UBE2G1: variants seen among roughly 807,000 people sequenced by gnomAD.
UBE2G1 encodes the protein ubiquitin conjugating enzyme E2 G1.
In UBE2G1, 5 loss-of-function variants were observed where a neutral mutation model predicts 22.7. The observed-to-expected ratio is 0.22, with a 90% CI of 0.12 to 0.46. The LOEUF (loss-of-function observed/expected upper bound fraction) is 0.46, where lower values mean the gene tolerates loss of function less well. Among genes scored for constraint, UBE2G1 ranks in the 20% least tolerant of loss-of-function variants. UBE2G1 has a pLI of 0.99. For missense variants in UBE2G1, 88 were observed against 203.9 expected (o/e 0.43, Z 3.46); for synonymous variants, 74 against 67.5 (o/e 1.10, Z -0.47).
At chr17:4,365,976 C>T (rs1383231730) in intron 1 of UBE2G1, among the ~76,000 whole-genome samples, 4 of 152,030 alleles carry the variant, frequency 2.6e-5, no homozygotes, top group African/African-American at 9.7e-5. Context: ...CGCACACAGC[C>T]CCTCCCCCGC....
At chr17:4,361,261 T>A (rs1969963413) in intron 1 of UBE2G1, among the ~76,000 whole-genome samples, 1 of 145,000 alleles carries the variant, frequency 6.9e-6, no homozygotes, top group African/African-American at 2.6e-5. Flanking sequence ...GGGTGGTGGC[T>A]CACGCCAGTA....
chr17:4,281,254 GAATATTGAGCAATA>G (rs1274075574), intron 5 of UBE2G1, among the ~76,000 whole-genome samples: 1 of 152,118 alleles, frequency 6.6e-6, no homozygotes, highest in Non-Finnish European at 1.5e-5. Context: ...TCAATTTGAA[GAATATTGAGCAATA>G]AAAGTAACAG....
chr17:4,277,694 G>C (rs182065617), intron 5 of UBE2G1, among the ~76,000 whole-genome samples: 2 of 152,288 alleles, frequency 1.3e-5, no homozygotes, highest in Admixed American at 6.5e-5. Flanking sequence ...ATCTTAAATT[G>C]ATTTCACTTT....
At chr17:4,273,916 G>C (rs1385928329) in intron 5 of UBE2G1, among the ~76,000 whole-genome samples, 1 of 152,088 alleles carries the variant, frequency 6.6e-6, no homozygotes, top group African/African-American at 2.4e-5. Flanking sequence ...TACCTAAAGA[G>C]TTATGACAAA....
intron 1 of UBE2G1, among the ~76,000 whole-genome samples, chr17:4,320,847 C>T (rs1969428889): frequency 6.6e-6 from 1 of 151,992 alleles, no homozygotes; most frequent in Admixed American, 6.6e-5. Context: ...ATAACTCGTT[C>T]CCACCACCAT....
chr17:4,302,032 A>C, intron 2 of UBE2G1: 2 of 493,574 alleles, frequency 4.1e-6, no homozygotes, highest in Non-Finnish European at 8.1e-6. Context: ...CATAAAGAAC[A>C]ACAACAACAA....
At chr17:4,313,617 G>C (rs952510246) in intron 1 of UBE2G1, among the ~76,000 whole-genome samples, 2 of 151,862 alleles carry the variant, frequency 1.3e-5, no homozygotes, top group Non-Finnish European at 2.9e-5. Flanking sequence ...AAATCAGGAC[G>C]ATAGTATTTC....
intron 1 of UBE2G1, among the ~76,000 whole-genome samples, chr17:4,337,290 G>A (rs534181907): frequency 1.8e-4 from 26 of 145,768 alleles, no homozygotes; most frequent in Non-Finnish European, 3.3e-4. Flanking sequence ...GCAATGAGTC[G>A]TGTTCATGCC....
In UBE2G1 at chr17:4,364,259, G is replaced by C. The variant is rs1289790427; in HGVS notation, c.46+2012C>G. ...AGCCTGGGCAATAGAGTGAGACTCT[G>C]CCTCAAAAAAAAAAAAAAAAATGCA... On this transcript the variant is annotated intron_variant, in intron 1 of 5. Transcript: ENST00000396981. The C allele has an allele frequency of 4.5e-5, 5 of 110,740 alleles. No homozygotes were observed. In the East Asian group the frequency reaches 9.3e-4, roughly 21 times the overall value. 6.9% of individuals were successfully genotyped at this position (110,740 alleles called of 1,614,324 possible).
intron 2 of UBE2G1, chr17:4,301,252 T>G: frequency 2.7e-6 from 1 of 376,386 alleles, no homozygotes; most frequent in South Asian, 2.2e-5. Context: ...CACATAGTCA[T>G]GTGATCACTG....
chr17:4,349,452 T>C (rs1969818133), intron 1 of UBE2G1, among the ~76,000 whole-genome samples: 1 of 152,106 alleles, frequency 6.6e-6, no homozygotes, highest in Non-Finnish European at 1.5e-5. Flanking sequence ...TTAAAACAAA[T>C]GGAACTGATG....
intron 2 of UBE2G1, among the ~76,000 whole-genome samples, chr17:4,306,062 T>C (rs1430729587): frequency 6.6e-6 from 1 of 152,224 alleles, no homozygotes; most frequent in African/African-American, 2.4e-5. Context: ...TAGATTATCA[T>C]AGAGCATAAC....
intron 2 of UBE2G1, among the ~76,000 whole-genome samples, chr17:4,305,822 G>A (rs182564234): frequency 6.6e-6 from 1 of 152,254 alleles, no homozygotes; most frequent in African/African-American, 2.4e-5. Flanking sequence ...GATTACAGGC[G>A]TGAGCCAACG....
intron 1 of UBE2G1, among the ~76,000 whole-genome samples, chr17:4,334,238 T>C (rs1969617900): frequency 6.6e-6 from 1 of 151,860 alleles, no homozygotes; most frequent in African/African-American, 2.4e-5. Context: ...ATTTCCATTA[T>C]ATTTTTCTAG....
intron 1 of UBE2G1, among the ~76,000 whole-genome samples, chr17:4,340,794 G>C (rs73330838): frequency 6.7e-6 from 1 of 149,464 alleles, no homozygotes; most frequent in South Asian, 2.1e-4. Context: ...CTTAAATAGA[G>C]ATGGGGTCTC....
chr17:4,279,948 A>G (rs1968866917), intron 5 of UBE2G1, among the ~76,000 whole-genome samples: 1 of 151,946 alleles, frequency 6.6e-6, no homozygotes, highest in East Asian at 1.9e-4. Context: ...GAAAACCTCA[A>G]TGGTCAAACA....
chr17:4,345,832 A>T (rs898532010), intron 1 of UBE2G1: 1 of 152,230 alleles, frequency 6.6e-6, no homozygotes, highest in Non-Finnish European at 1.5e-5. Flanking sequence ...AAGTAAAAAT[A>T]GAACAGATTC....
intron 3 of UBE2G1, among the ~76,000 whole-genome samples, chr17:4,295,377 C>T (rs1378114088): frequency 6.6e-6 from 1 of 152,212 alleles, no homozygotes; most frequent in African/African-American, 2.4e-5. Flanking sequence ...ACGCTAAGTC[C>T]CTTGGCTCCC....
intron 1 of UBE2G1, among the ~76,000 whole-genome samples, chr17:4,349,822 G>C (rs1235361437): frequency 6.8e-6 from 1 of 146,444 alleles, no homozygotes; most frequent in Non-Finnish European, 1.5e-5. Flanking sequence ...CAGTCTCGGC[G>C]ACAGAGCGAG....
Sources: gnomAD v4.1 joint callset for allele counts (sites outside exome capture counted in the v4.1 genomes callset) on GRCh38, gnomAD v4.1.1 for gene constraint, MANE v1.5 for transcripts, NCBI Gene and HGNC (gene_info 2026-07-23, HGNC 2026-07-21) for gene names.